ANXA8: variants seen among roughly 807,000 people sequenced by gnomAD.
ANXA8 encodes annexin A8, also known as VAC-beta.
Under a neutral mutation model 26.8 loss-of-function variants are expected in ANXA8, and 9 were observed. The ratio of observed to expected loss-of-function variants is 0.34; its 90% confidence interval spans 0.20 to 0.59. The LOEUF (loss-of-function observed/expected upper bound fraction) is 0.59, where lower values mean the gene tolerates loss of function less well. Among genes scored for constraint, ANXA8 ranks in the 20% least tolerant of loss-of-function variants. ANXA8 has a pLI of 0.84. For missense variants in ANXA8, 83 were observed against 238.5 expected, an observed-to-expected ratio of 0.35 and a Z score of 4.29; for synonymous variants, 39 against 94.8, an observed-to-expected ratio of 0.41 and a Z score of 3.42.
the ANXA8 span, among the ~76,000 whole-genome samples, chr10:47,741,139 C>T: frequency 7.1e-4 from 71 of 100,640 alleles, 1 homozygote; most frequent in Middle Eastern, 0.014. Flanking sequence ...ATTTGTATAC[C>T]TTCATTTGTG....
At chr10:47,936,988 C>T in the ANXA8 span, among the ~76,000 whole-genome samples, 1 of 149,778 alleles carries the variant, frequency 6.7e-6, no homozygotes, top group Non-Finnish European at 1.5e-5. Context: ...TAAAGGGAGG[C>T]TGCTCTCACT....
the ANXA8 span, among the ~76,000 whole-genome samples, chr10:47,596,543 C>T: frequency 6.8e-6 from 1 of 147,850 alleles, no homozygotes; most frequent in Non-Finnish European, 1.5e-5. Context: ...GCAAGATTAA[C>T]AAAAAAGAAA....
the ANXA8 span, among the ~76,000 whole-genome samples, chr10:47,554,184 C>T: frequency 2.4e-4 from 4 of 16,464 alleles, no homozygotes; most frequent in South Asian, 0.015. Flanking sequence ...CGCCTGTGGT[C>T]CCTGTGGTCC....
chr10:47,967,283 G>T, the ANXA8 span, among the ~76,000 whole-genome samples: 2 of 151,198 alleles, frequency 1.3e-5, no homozygotes, highest in African/African-American at 4.9e-5. Context: ...TTAGTAGCAT[G>T]TATAGGCACC....
At chr10:47,901,005 C>G in the ANXA8 span, among the ~76,000 whole-genome samples, 1 of 130,132 alleles carries the variant, frequency 7.7e-6, no homozygotes, top group African/African-American at 3.2e-5. Context: ...CATTGCTTTT[C>G]TAGGCTTTTA....
At chr10:47,559,191 GC>G in the ANXA8 span, among the ~76,000 whole-genome samples, 1 of 117,800 alleles carries the variant, frequency 8.5e-6, no homozygotes, top group African/African-American at 3.4e-5. Context: ...TCAAACCGTC[GC>G]CCAGGCTGGA....
chr10:47,949,126 A>ACACG, the ANXA8 span, among the ~76,000 whole-genome samples: 1 of 35,878 alleles, frequency 2.8e-5, no homozygotes, highest in East Asian at 5.0e-4. Context: ...TTCCTTACAC[A>ACACG]CACACACACA....
chr10:47,951,524 C>A, the ANXA8 span, among the ~76,000 whole-genome samples: 1 of 150,474 alleles, frequency 6.6e-6, no homozygotes, highest in East Asian at 2.1e-4. Flanking sequence ...AAGGAATATA[C>A]ATGCAGCTGG....
At chr10:47,486,840 G>A (rs1208217656), upstream of ANXA8, among the ~76,000 whole-genome samples, 4 of 141,114 alleles carry the variant, frequency 2.8e-5, 1 homozygote, top group Non-Finnish European at 6.2e-5. Flanking sequence ...AGAGATGGTG[G>A]CCTGCGCTTG....
the ANXA8 span, chr10:47,710,187 A>G: frequency 8.4e-7 from 1 of 1,186,566 alleles, no homozygotes; most frequent in South Asian, 1.6e-5. Context: ...TAATGTTGCC[A>G]TCTTTTGTCT....
the ANXA8 span, among the ~76,000 whole-genome samples, chr10:47,980,308 C>T: frequency 1.3e-5 from 2 of 151,386 alleles, no homozygotes; most frequent in African/African-American, 4.8e-5. Flanking sequence ...GCTGTAAATG[C>T]CTATATTAAA....
At chr10:47,709,236 T>C in the ANXA8 span, among the ~76,000 whole-genome samples, 1 of 144,878 alleles carries the variant, frequency 6.9e-6, no homozygotes, top group East Asian at 2.0e-4. Context: ...TATTAAAACA[T>C]GGTCAGTCTT....
chr10:47,582,545 G>A, the ANXA8 span, among the ~76,000 whole-genome samples: 1,230 of 141,088 alleles, frequency 8.7e-3, 10 homozygotes, highest in African/African-American at 0.036. Flanking sequence ...ATGAAAAGCA[G>A]CCTGTCCAGA....
At chr10:47,565,543 G>GGCCATGCTGGGCCTGCCCTC in the ANXA8 span, 1 of 337,346 alleles carries the variant, frequency 3.0e-6, no homozygotes. Context: ...AGCCAGTCGG[G>GGCCATGCTGGGCCTGCCCTC]GCCATGCTGG....
the ANXA8 span, among the ~76,000 whole-genome samples, chr10:47,907,137 C>A: frequency 6.6e-6 from 1 of 151,724 alleles, no homozygotes. Flanking sequence ...GGGCGGATCA[C>A]GAGGTCAGGA....
At chr10:47,755,383 G>A in the ANXA8 span, among the ~76,000 whole-genome samples, 6 of 152,186 alleles carry the variant, frequency 3.9e-5, no homozygotes, top group African/African-American at 1.4e-4. Context: ...AGCCTCCCAA[G>A]TAGCTGGGAC....
chr10:47,486,108 T>A (rs1319785082), upstream of ANXA8, among the ~76,000 whole-genome samples: 617 of 144,292 alleles, frequency 4.3e-3, 8 homozygotes, highest in African/African-American at 0.015. Flanking sequence ...ACTCCGTCTT[T>A]AAAAAAAAAA....
At chr10:47,621,473 C>G in the ANXA8 span, among the ~76,000 whole-genome samples, 2 of 111,608 alleles carry the variant, frequency 1.8e-5, 1 homozygote, top group Admixed American at 1.9e-4. Context: ...ATAGAGGATT[C>G]AAGAATTAAA....
the ANXA8 span, among the ~76,000 whole-genome samples, chr10:47,552,907 C>G: frequency 5.3e-5 from 8 of 151,788 alleles, no homozygotes; most frequent in African/African-American, 1.9e-4. Flanking sequence ...CCGTGCCATG[C>G]AATAAGGGCT....
Sources: gnomAD v4.1 joint callset for allele counts (sites outside exome capture counted in the v4.1 genomes callset) on GRCh38, gnomAD v4.1.1 for gene constraint, MANE v1.5 for transcripts, NCBI Gene and HGNC (gene_info 2026-07-23, HGNC 2026-07-21) for gene names.